Variants in NUP62 observed in about 807,000 individuals in gnomAD.
The protein encoded by NUP62 is nuclear pore glycoprotein p62.
For synonymous variants in NUP62, 305 were observed against 303.4 expected, an observed-to-expected ratio of 1.01 and a Z score of -0.05; for missense variants, 647 against 689.4, an observed-to-expected ratio of 0.94 and a Z score of 0.69.
In NUP62 at chr19:49,907,381, T is replaced by A. The variant is rs750088770; in HGVS notation, c.*858A>T. The A allele has an allele frequency of 1.2e-5, 4 of 344,560 alleles. No homozygotes were observed. The highest frequency in any genetic ancestry group is 2.2e-5 in the Non-Finnish European group (4 of 179,556). 21.3% of individuals were successfully genotyped at this position (344,560 alleles called of 1,614,324 possible). On this transcript the variant is annotated 3_prime_UTR_variant, in exon 3 of 3. Transcript: ENST00000352066. Reference sequence around the variant, plus strand: ...CCATCTGTGGTTCCTCAACACCCTGTGTGTGCAGGCCCCTCAGCTGACCTG... The same window carrying A: ...CCATCTGTGGTTCCTCAACACCCTGAGTGTGCAGGCCCCTCAGCTGACCTG...
rs201855302 is a variant in NUP62 at position 49,909,301 on chromosome 19, G to A, written c.507C>T (p.Ser169=). Residue 169 remains serine (S), a synonymous_variant, in exon 3 of 3, where the codon TCC becomes TCT. Transcript: ENST00000352066. ...SFTGGSTAQP[S]GFNIGSAGNS... is the part of the protein sequence containing the mutation. ...TCCCTGCTGAGCCAATGTTGAAACC[G>A]GAGGGTTGGGCCGTGCTTCCACCAG... 388 of 1,614,080 alleles carry A rather than the reference G, an allele frequency of 2.4e-4. 5 individuals carry two copies. Among genetic ancestry groups the A allele is most frequent in the Non-Finnish European group, 8.5e-5 (100 of 1,180,014 alleles).
At chr19:49,923,077 T>C (rs1432049756) in intron 2 of NUP62, among the ~76,000 whole-genome samples, 1 of 151,828 alleles carries the variant, frequency 6.6e-6, no homozygotes, top group East Asian at 1.9e-4. Flanking sequence ...CTGTGTCCCT[T>C]TTTTTTTGCA....
At position 49,921,931 on chromosome 19, in the gene NUP62, T is replaced by C. The variant is rs2075774353; in HGVS notation, c.-78+5763A>G. 6.6e-6 allele frequency among the ~76,000 whole-genome samples: 1 copy of C among 152,180 alleles called. No homozygotes were observed. The highest frequency in any genetic ancestry group is 2.4e-5 in the African/African-American group (1 of 41,444). On this transcript the variant is annotated intron_variant, in intron 2 of 2. Transcript: ENST00000352066. This position sits in a 1 kb window ranked among gnomAD's most constrained non-coding sequence, Gnocchi z 5.4. ...TCACCTCCCTTCCATCTTGGCAGGA[T>C]GAGTGCATTTGCTGCGAGAAAGCAG...
intron 2 of NUP62, among the ~76,000 whole-genome samples, chr19:49,926,984 T>A (rs2075910090): frequency 1.3e-5 from 2 of 152,036 alleles, no homozygotes; most frequent in South Asian, 4.2e-4. Context: ...CTTAGCCTCA[T>A]GAGTAGCTGG....
chr19:49,907,979 C>T lies in NUP62; in HGVS notation c.*260G>A, dbSNP rs1403951873. ...GCTGAGCCAGGATGAGGTGGGTGGTCGCAGTAGGTGAAAAGGGGCCAAAGA... is the reference window on the plus strand; with the variant it reads ...GCTGAGCCAGGATGAGGTGGGTGGTTGCAGTAGGTGAAAAGGGGCCAAAGA... On this transcript the variant is annotated 3_prime_UTR_variant, in exon 3 of 3. Coordinates refer to ENST00000352066, the MANE Select transcript of NUP62 (RefSeq NM_016553.5). 3 of 643,484 alleles carry T rather than the reference C, an allele frequency of 4.7e-6. No individual in the cohort carries two copies. Among genetic ancestry groups the T allele is most frequent in the Non-Finnish European group, 7.7e-6 (3 of 391,800 alleles). The allele number at this position is 643,484 out of a possible 1,614,324, so 39.9% of individuals were successfully genotyped here. A position where few individuals can be genotyped will look rare whatever the true frequency, so the allele number is the denominator to read the frequency against.
At chr19:49,916,945 G>A (rs1218407459) in intron 2 of NUP62, among the ~76,000 whole-genome samples, 2 of 152,196 alleles carry the variant, frequency 1.3e-5, no homozygotes, top group Non-Finnish European at 2.9e-5. Flanking sequence ...GTTCTGGGAG[G>A]CACTTGAACA....
chr19:49,914,460 A>C (rs925854953), intron 2 of NUP62, among the ~76,000 whole-genome samples: 2 of 152,194 alleles, frequency 1.3e-5, no homozygotes, highest in African/African-American at 2.4e-5. Flanking sequence ...GTCACCAAGG[A>C]AAGTGCTGGC....
chr19:49,907,538 T>TA lies in NUP62; in HGVS notation c.*700_*701insT, dbSNP rs1491369382. 3.5e-5 allele frequency: 1 copy of TA among 28,260 alleles called. No individual in the cohort carries two copies. Among genetic ancestry groups the TA allele is most frequent in the East Asian group, 3.8e-3 (1 of 264 alleles). 1.8% of individuals were successfully genotyped at this position (28,260 alleles called of 1,614,324 possible). A position where few individuals can be genotyped will look rare whatever the true frequency, so the allele number is the denominator to read the frequency against. ...TAGGCTGCTGTCTCCTGGGAGTTTC[T>TA]TTTTTTTTTTTTTTTTTTTTGAGAC... On this transcript the variant is annotated 3_prime_UTR_variant, in exon 3 of 3. Coordinates refer to ENST00000352066, the MANE Select transcript of NUP62 (RefSeq NM_016553.5).
At position 49,908,545 on chromosome 19, in the gene NUP62, G is replaced by A. The variant is rs756100231; in HGVS notation, c.1263C>T (p.Ile421=). ...EELVKEQSGT[I]YLQHADEERE... The stretch of plus-strand genomic sequence containing the variant: ...GCTCCTCATCCGCGTGCTGCAGGTA[G>A]ATGGTCCCGCTCTGCTCCTTGACCA... The change falls in exon 3 of 3, where the codon ATC becomes ATT. Residue 421 remains isoleucine (I), a synonymous_variant. Transcript: ENST00000352066. 1.9e-6 allele frequency: 3 copies of A among 1,614,190 alleles called. No individual in the cohort carries two copies. Among genetic ancestry groups the A allele is most frequent in the African/African-American group, 2.7e-5 (2 of 75,060 alleles).
chr19:49,920,649 C>T (rs542102171), intron 2 of NUP62, among the ~76,000 whole-genome samples: 1 of 152,306 alleles, frequency 6.6e-6, no homozygotes, highest in South Asian at 2.1e-4. Flanking sequence ...ACGGCTCGGG[C>T]AGAGTTTCTA....
intron 2 of NUP62, among the ~76,000 whole-genome samples, chr19:49,910,379 G>T (rs977454172): frequency 2.0e-5 from 3 of 151,992 alleles, no homozygotes; most frequent in Non-Finnish European, 2.9e-5. Context: ...TGGATGGCAG[G>T]GTCTGGGTTG....
At chr19:49,927,177 T>C (rs527610417) in intron 2 of NUP62, among the ~76,000 whole-genome samples, 1 of 152,168 alleles carries the variant, frequency 6.6e-6, no homozygotes, top group East Asian at 1.9e-4. Context: ...TAGGTATTCT[T>C]AATGCCACTT....
chr19:49,908,335 G>C lies in NUP62; in HGVS notation c.1473C>G (p.Asn491Lys). The C allele has an allele frequency of 6.2e-7, 1 of 1,614,148 alleles. No individual in the cohort carries two copies. The highest frequency in any genetic ancestry group is 1.1e-5 in the South Asian group (1 of 91,088). ...HMDSLQWIDQ[N>K]SALLQRKVEE... Reference sequence around the variant, plus strand: ...CCACCTTCCTCTGCAGCAGGGCCGAGTTCTGGTCGATCCACTGCAGTGAGT... The same window carrying C: ...CCACCTTCCTCTGCAGCAGGGCCGACTTCTGGTCGATCCACTGCAGTGAGT... The change falls in exon 3 of 3, where the codon AAC becomes AAG. Residue 491 changes from asparagine (N) to lysine (K), a missense_variant. Coordinates refer to ENST00000352066, the MANE Select transcript of NUP62 (RefSeq NM_016553.5).
Position 49,908,960 on chromosome 19 carries a change from C to T in NUP62, c.848G>A (p.Ser283Asn). 1 of 1,605,828 alleles carries T rather than the reference C, an allele frequency of 6.2e-7. No individual in the cohort carries two copies. The highest frequency in any genetic ancestry group is 1.7e-5 in the Admixed American group (1 of 59,672). ...TAATATATTT[S>N]SSSTTGFALN... ...GGCAAAGCCGGTGGTGCTGCTGCTG[C>T]TGGTGGTGGTGGCGGTGGCGGTGGC... Residue 283 changes from serine to asparagine, a missense_variant, in exon 3 of 3, where the codon AGC becomes AAC. Physicochemically the swap from Ser to Asn is conservative, Grantham distance 46. Coordinates refer to ENST00000352066, the MANE Select transcript of NUP62 (RefSeq NM_016553.5).
At position 49,921,007 on chromosome 19, in the gene NUP62, C is replaced by T. The variant is rs1044284470; in HGVS notation, c.-78+6687G>A. 1.3e-5 allele frequency among the ~76,000 whole-genome samples: 2 copies of T among 152,092 alleles called. No homozygotes were observed. Among genetic ancestry groups the T allele is most frequent in the African/African-American group, 4.8e-5 (2 of 41,390 alleles). On this transcript the variant is annotated intron_variant, in intron 2 of 2. Coordinates refer to ENST00000352066, the MANE Select transcript of NUP62 (RefSeq NM_016553.5). This position sits in a 1 kb window ranked among gnomAD's most constrained non-coding sequence, Gnocchi z 5.4. ...TTCTCTGGGAACCAGGTGAAGGCAGCCAGAAGATGGGGGCAGGGTGGCTTT... is the reference window on the plus strand; with the variant it reads ...TTCTCTGGGAACCAGGTGAAGGCAGTCAGAAGATGGGGGCAGGGTGGCTTT...
intron 2 of NUP62, among the ~76,000 whole-genome samples, chr19:49,914,726 GTTTTTTTTTTTT>G (rs530372497): frequency 0.038 from 2,153 of 56,364 alleles, 73 homozygotes; most frequent in African/African-American, 0.13. Flanking sequence ...CCAAGTCCCA[GTTTTTTTTTTTT>G]TTTTTTTTTT....
intron 2 of NUP62, among the ~76,000 whole-genome samples, chr19:49,912,684 C>T (rs4802636): frequency 0.034 from 5,172 of 152,056 alleles, 268 homozygotes; most frequent in South Asian, 0.14. Context: ...GCCAACATAG[C>T]GAGATGCTGT....
At chr19:49,920,749 C>T (rs537238025) in intron 2 of NUP62, among the ~76,000 whole-genome samples, 1 of 152,178 alleles carries the variant, frequency 6.6e-6, no homozygotes, top group Non-Finnish European at 1.5e-5. Context: ...CTCTGGTTGG[C>T]GGTGCAGGCA....
chr19:49,909,147 G>A lies in NUP62; in HGVS notation c.661C>T (p.Leu221Phe), dbSNP rs554308671. ...GGAGCAGTTGCTATTGACGCAAAGA[G>A]GCTGGGCCCAGTGCTGGTGATGGTG... The part of the protein sequence containing the change: ...TATITSTGPS[L>F]FASIATAPTS... The change falls in exon 3 of 3, where the codon CTC becomes TTC. Residue 221 changes from leucine (L) to phenylalanine (F), a missense_variant. Coordinates refer to ENST00000352066, the MANE Select transcript of NUP62 (RefSeq NM_016553.5). The A allele has an allele frequency of 3.2e-5, 52 of 1,613,150 alleles. 1 individual carries two copies. In the East Asian group the frequency reaches 1.1e-3, roughly 35 times the overall value.
Sources: gnomAD v4.1 joint callset for allele counts (sites outside exome capture counted in the v4.1 genomes callset) on GRCh38, gnomAD v4.1.1 for gene constraint, Gnocchi (gnomAD v3.1) non-coding constraint, MANE v1.5 for transcripts, NCBI Gene and HGNC (gene_info 2026-07-23, HGNC 2026-07-21) for gene names.